TMTC1: variants seen among roughly 807,000 people sequenced by gnomAD.
TMTC1 encodes the protein protein O-mannosyl-transferase TMTC1.
A neutral mutation model predicts 104.8 loss-of-function variants in TMTC1; 73 were observed. The ratio of observed to expected loss-of-function variants is 0.70; its 90% CI spans 0.58 to 0.85. TMTC1 has a LOEUF of 0.85. Among genes scored for constraint, TMTC1 ranks in the 40% least tolerant of loss-of-function variants. TMTC1 has a pLI of 0.00. For synonymous variants in TMTC1, 434 were observed against 428.7 expected, an observed-to-expected ratio of 1.01 and a Z score of -0.15; for missense variants, 1,035 against 1,096.1, an observed-to-expected ratio of 0.94 and a Z score of 0.79.
chr12:29,579,587 G>T (rs1945919393), intron 8 of TMTC1, among the ~76,000 whole-genome samples: 2 of 152,188 alleles, frequency 1.3e-5, no homozygotes, highest in Non-Finnish European at 2.9e-5. Context: ...TCCTGAGCTG[G>T]ATGCGAAAGG....
At chr12:29,570,812 C>T (rs191647989) in intron 9 of TMTC1, among the ~76,000 whole-genome samples, 27 of 128,034 alleles carry the variant, frequency 2.1e-4, no homozygotes, top group Non-Finnish European at 3.5e-4. Context: ...CCACTGCACT[C>T]CAGCCTGGGT....
chr12:29,580,265 G>C (rs1158541836), intron 8 of TMTC1, among the ~76,000 whole-genome samples: 1 of 152,156 alleles, frequency 6.6e-6, no homozygotes, highest in Admixed American at 6.6e-5. Flanking sequence ...GCTGCAGTGA[G>C]CCATGATCAC....
chr12:29,655,054 T>C (rs527524122), intron 5 of TMTC1, among the ~76,000 whole-genome samples: 1 of 152,228 alleles, frequency 6.6e-6, no homozygotes, highest in South Asian at 2.1e-4. Context: ...CAGCTAATTT[T>C]TGTATTTTTA....
At chr12:29,539,090 GTC>G (rs1233656712) in intron 10 of TMTC1, among the ~76,000 whole-genome samples, 5 of 152,276 alleles carry the variant, frequency 3.3e-5, no homozygotes, top group South Asian at 4.1e-4. Flanking sequence ...TTCTTCTATA[GTC>G]TCTCTTGCTC....
intron 5 of TMTC1, among the ~76,000 whole-genome samples, chr12:29,654,409 C>T (rs1041119222): frequency 2.6e-5 from 4 of 152,152 alleles, no homozygotes; most frequent in African/African-American, 4.8e-5. Flanking sequence ...ATACCATTCC[C>T]TACCCATTGG....
intron 5 of TMTC1, among the ~76,000 whole-genome samples, chr12:29,696,955 AC>A (rs1941441583): frequency 6.6e-6 from 1 of 152,210 alleles, no homozygotes; most frequent in African/African-American, 2.4e-5. Context: ...TATTTTGAAA[AC>A]CAGGAAAGTC....
intron 9 of TMTC1, chr12:29,568,637 T>C (rs893983916): frequency 5.3e-6 from 1 of 188,650 alleles, no homozygotes; most frequent in African/African-American, 2.3e-5. Context: ...AATAAAATAC[T>C]CAAGCGTTTG....
intron 9 of TMTC1, among the ~76,000 whole-genome samples, chr12:29,562,431 C>A (rs996834968): frequency 2.0e-5 from 3 of 152,164 alleles, no homozygotes; most frequent in Admixed American, 6.5e-5. Context: ...GGAAATGAAT[C>A]ATTTTAAATG....
chr12:29,512,113 C>T lies in TMTC1; in HGVS notation c.2438G>A (p.Arg813Lys), dbSNP rs993180516. 28 of 1,610,658 alleles carry T rather than the reference C, an allele frequency of 1.7e-5. No homozygotes were observed. Among genetic ancestry groups the T allele is most frequent in the Non-Finnish European group, 2.4e-5 (28 of 1,178,834 alleles). Residue 813 changes from arginine to lysine, a missense_variant, in exon 17 of 18, where the codon AGA becomes AAA. Transcript: ENST00000539277. ...GTCTGGGTTTAGTTGCACAGCCACT[C>T]TATAGCTCTAAATAAATAAGAAATA... ...NLLDKAFESY[R>K]VAVQLNPDQA... is the part of the protein sequence containing the mutation.
intron 2 of TMTC1, among the ~76,000 whole-genome samples, chr12:29,761,238 G>A (rs952599889): frequency 5.3e-5 from 8 of 150,952 alleles, no homozygotes; most frequent in Admixed American, 3.3e-4. Context: ...AATGAAAACT[G>A]AAGAGAAATG....
chr12:29,716,103 C>T (rs1206140939), intron 5 of TMTC1, among the ~76,000 whole-genome samples: 5 of 151,628 alleles, frequency 3.3e-5, no homozygotes, highest in East Asian at 1.9e-4. Context: ...CCTGCAGCCT[C>T]GAAATCCTAG....
At chr12:29,672,753 G>C (rs1044562796) in intron 5 of TMTC1, among the ~76,000 whole-genome samples, 1 of 152,116 alleles carries the variant, frequency 6.6e-6, no homozygotes, top group African/African-American at 2.4e-5. Flanking sequence ...GGGCCAAGTA[G>C]GACATTTGGC....
intron 11 of TMTC1, among the ~76,000 whole-genome samples, chr12:29,522,380 T>C (rs1205951774): frequency 6.6e-6 from 1 of 152,214 alleles, no homozygotes; most frequent in Non-Finnish European, 1.5e-5. Context: ...TCAAACTTCA[T>C]CCACACTCCA....
chr12:29,726,441 G>T (rs1336515983), intron 5 of TMTC1, among the ~76,000 whole-genome samples: 1 of 147,370 alleles, frequency 6.8e-6, no homozygotes, highest in Non-Finnish European at 1.5e-5. Context: ...TAACCCCAGA[G>T]AAGCTCTCCC....
chr12:29,663,266 T>C (rs1215511491), intron 5 of TMTC1, among the ~76,000 whole-genome samples: 1 of 152,178 alleles, frequency 6.6e-6, no homozygotes, highest in Non-Finnish European at 1.5e-5. Context: ...TGCTGTTCCT[T>C]TTCAGGATGT....
chr12:29,511,447 A>G (rs1943834826), intron 17 of TMTC1, among the ~76,000 whole-genome samples: 2 of 152,144 alleles, frequency 1.3e-5, no homozygotes, highest in Non-Finnish European at 2.9e-5. Context: ...TGAATGAATA[A>G]ATGAATGATG....
chr12:29,574,767 C>T (rs1232471075), intron 8 of TMTC1, among the ~76,000 whole-genome samples: 4 of 152,212 alleles, frequency 2.6e-5, no homozygotes, highest in Admixed American at 1.3e-4. Context: ...ATTTAACCCT[C>T]ATCACTTCCT....
chr12:29,523,629 C>T (rs1447126170), intron 11 of TMTC1, among the ~76,000 whole-genome samples: 1 of 151,992 alleles, frequency 6.6e-6, no homozygotes, highest in African/African-American at 2.4e-5. Flanking sequence ...TTCACTCTAC[C>T]ACTATCGTAA....
intron 3 of TMTC1, among the ~76,000 whole-genome samples, chr12:29,756,635 G>A (rs1421104929): frequency 2.0e-5 from 3 of 151,764 alleles, no homozygotes; most frequent in African/African-American, 7.3e-5. Flanking sequence ...AATCTCTCCG[G>A]TGCTGTTAAG....
Sources: gnomAD v4.1 joint callset for allele counts (sites outside exome capture counted in the v4.1 genomes callset) on GRCh38, gnomAD v4.1.1 for gene constraint, MANE v1.5 for transcripts, NCBI Gene and HGNC (gene_info 2026-07-23, HGNC 2026-07-21) for gene names.